FGF14: variants seen among roughly 807,000 people sequenced by gnomAD.
FGF14 encodes the protein fibroblast growth factor homologous factor 4.
A neutral mutation model predicts 25.5 loss-of-function variants in FGF14; 5 were observed. The ratio of observed to expected loss-of-function variants is 0.20; its 90% confidence interval spans 0.10 to 0.41. FGF14 has a LOEUF of 0.41. Ranked by LOEUF, FGF14 falls within the 10% of genes least tolerant of loss-of-function variation. FGF14 has a pLI of 1.00. For synonymous variants in FGF14, 138 were observed against 118.3 expected (o/e 1.17, Z -1.08); for missense variants, 222 against 320.1 (o/e 0.69, Z 2.34).
intron 1 of FGF14, among the ~76,000 whole-genome samples, chr13:102,229,367 C>T (rs1375260197): frequency 6.6e-6 from 1 of 152,218 alleles, no homozygotes. Flanking sequence ...CCACAACAAG[C>T]TTACAGCTTA....
rs1025324453 is a variant in FGF14 at position 101,719,646 on chromosome 13, G to GCAAT, written c.*3181_*3184dup. ...TGAGCGTTGTTGAGGGACTGGCAAA[G>GCAAT]CAATCAGCTACTATAACAAATCAGT... On this transcript the variant is annotated 3_prime_UTR_variant, in exon 5 of 5. Coordinates refer to ENST00000376143, the MANE Select transcript of FGF14 (RefSeq NM_004115.4). 2.0e-5 allele frequency: 3 copies of GCAAT among 152,098 alleles called. No homozygotes were observed. Among genetic ancestry groups the GCAAT allele is most frequent in the Admixed American group, 1.3e-4 (2 of 15,254 alleles). The allele number at this position is 152,098 out of a possible 1,614,324, so 9.4% of individuals were successfully genotyped here. A position where few individuals can be genotyped will look rare whatever the true frequency, so the allele number is the denominator to read the frequency against.
intron 3 of FGF14, among the ~76,000 whole-genome samples, chr13:101,807,046 T>C (rs539855194): frequency 1.3e-5 from 2 of 152,082 alleles, no homozygotes; most frequent in South Asian, 4.1e-4. Context: ...CGGAGAAGAT[T>C]ATAAGAAAAA....
chr13:101,772,528 CT>C (rs1452492455), intron 3 of FGF14, among the ~76,000 whole-genome samples: 10 of 151,976 alleles, frequency 6.6e-5, no homozygotes, highest in Non-Finnish European at 1.0e-4. Context: ...TCTATAATTA[CT>C]TCTCATTTAT....
intron 3 of FGF14, among the ~76,000 whole-genome samples, chr13:101,767,077 C>T (rs111936428): frequency 6.6e-6 from 1 of 152,088 alleles, no homozygotes; most frequent in African/African-American, 2.4e-5. Context: ...ATAAGAATAA[C>T]AATAAAATAA....
At chr13:102,198,212 C>T (rs74746278) in intron 1 of FGF14, among the ~76,000 whole-genome samples, 1,591 of 152,236 alleles carry the variant, frequency 0.01, 33 homozygotes, top group African/African-American at 0.036. Flanking sequence ...CATCGGAAGC[C>T]ACAGCACAGT....
At chr13:102,083,846 G>A (rs950777283) in intron 1 of FGF14, among the ~76,000 whole-genome samples, 1 of 152,132 alleles carries the variant, frequency 6.6e-6, no homozygotes, top group Non-Finnish European at 1.5e-5. Context: ...AGAATTTGGA[G>A]TTTTCATTAT....
At chr13:102,149,983 T>G (rs1283009518) in intron 1 of FGF14, among the ~76,000 whole-genome samples, 1 of 152,192 alleles carries the variant, frequency 6.6e-6, no homozygotes, top group African/African-American at 2.4e-5. Flanking sequence ...ATTATATATT[T>G]ATATATATGT....
At chr13:101,995,323 AG>A (rs1178960589) in intron 1 of FGF14, among the ~76,000 whole-genome samples, 1 of 152,156 alleles carries the variant, frequency 6.6e-6, no homozygotes, top group Non-Finnish European at 1.5e-5. Context: ...TAAACCCAAA[AG>A]GTCATGGCTT....
At chr13:102,369,997 C>CT (rs200355754) in intron 1 of FGF14, among the ~76,000 whole-genome samples, 7,595 of 146,200 alleles carry the variant, frequency 0.052, 276 homozygotes, top group East Asian at 0.14. Context: ...TAGAATAAAT[C>CT]TTTTTTTTTT....
At chr13:102,268,433 A>T (rs1415058) in intron 1 of FGF14, among the ~76,000 whole-genome samples, 16 of 151,980 alleles carry the variant, frequency 1.1e-4, no homozygotes, top group Admixed American at 4.6e-4. Context: ...ATATCATTTG[A>T]GTAAAACCAA....
intron 1 of FGF14, among the ~76,000 whole-genome samples, chr13:102,097,182 T>C (rs2044441589): frequency 6.6e-6 from 1 of 152,212 alleles, no homozygotes; most frequent in African/African-American, 2.4e-5. Context: ...CTTCACAATT[T>C]TGACTATGTT....
rs1186280567 is a variant in FGF14, at chr13:102,374,642, TTTTATATATATA to T, written c.208+26817_208+26828del. ...TATTTTTTAATACATATCTTACATA[TTTTATATATATA>T]TATATATATATATATATATATATAT... is the stretch of plus-strand genomic sequence containing the variant. On this transcript the variant is annotated intron_variant, in intron 1 of 4. Transcript: ENST00000376131. Among the ~76,000 whole-genome samples the T allele has an allele frequency of 6.1e-4, 58 of 95,656 alleles. 1 individual carries two copies. Among genetic ancestry groups the T allele is most frequent in the African/African-American group, 1.8e-3 (48 of 26,484 alleles). The allele number at this position is 95,656 out of a possible 152,430, so 62.8% of individuals were successfully genotyped here.
chr13:101,713,600 T>G lies in FGF14; in HGVS notation c.*9231A>C, dbSNP rs187045532. ...TGAGGCAGTTTTTCCATGTAAGGGT[T>G]TTTAGTCTGTCATGGAAAGCTGTTT... is the stretch of plus-strand genomic sequence containing the variant. On this transcript the variant is annotated 3_prime_UTR_variant, in exon 5 of 5. Transcript: ENST00000376143. The G allele has an allele frequency of 5.3e-4, 81 of 152,276 alleles. 1 individual carries two copies. The highest frequency in any genetic ancestry group is 1.8e-3 in the African/African-American group (76 of 41,558). 9.4% of individuals were successfully genotyped at this position (152,276 alleles called of 1,614,324 possible).
intron 1 of FGF14, among the ~76,000 whole-genome samples, chr13:102,161,637 G>GTC (rs1566764908): frequency 0.021 from 180 of 8,682 alleles, 17 homozygotes; most frequent in African/African-American, 0.086. Flanking sequence ...AGAAGAAGAA[G>GTC]AAGAAGAAGA....
chr13:101,725,926 T>C (rs1469699093), intron 4 of FGF14, among the ~76,000 whole-genome samples: 2 of 152,098 alleles, frequency 1.3e-5, no homozygotes, highest in African/African-American at 4.8e-5. Flanking sequence ...AGCCTGCTCT[T>C]TGGGTATCTG....
At chr13:102,279,191 T>TATAG (rs10562341) in intron 1 of FGF14, among the ~76,000 whole-genome samples, 1 of 152,182 alleles carries the variant, frequency 6.6e-6, no homozygotes, top group Non-Finnish European at 1.5e-5. Flanking sequence ...TGTATGTTTG[T>TATAG]ATAGATAGAT....
chr13:101,724,929 G>A (rs1024902953), intron 4 of FGF14, among the ~76,000 whole-genome samples: 1 of 151,686 alleles, frequency 6.6e-6, no homozygotes, highest in Non-Finnish European at 1.5e-5. Context: ...ATACATGAGT[G>A]AAATACCAAG....
intron 1 of FGF14, among the ~76,000 whole-genome samples, chr13:102,114,604 G>C (rs1049127700): frequency 6.6e-6 from 1 of 152,188 alleles, no homozygotes; most frequent in African/African-American, 2.4e-5. Flanking sequence ...TAAATCAACA[G>C]AGGAATGGAT....
intron 1 of FGF14, among the ~76,000 whole-genome samples, chr13:102,324,391 C>A (rs1381304518): frequency 1.3e-5 from 2 of 152,146 alleles, no homozygotes; most frequent in Non-Finnish European, 2.9e-5. Context: ...GCCTCAGTTT[C>A]TTCATCTGTA....
Sources: allele counts gnomAD v4.1 joint callset (sites outside exome capture counted in the v4.1 genomes callset), GRCh38; gene constraint gnomAD v4.1.1; transcripts MANE v1.5; gene names NCBI Gene and HGNC (gene_info 2026-07-23, HGNC 2026-07-21).